Variants in CCDC178 observed in about 807,000 individuals in gnomAD.
CCDC178 encodes the protein coiled-coil domain-containing protein 178.
A neutral mutation model predicts 117.4 loss-of-function variants in CCDC178; 126 were observed. That is an observed-to-expected ratio of 1.07 (90% CI 0.93 to 1.24). CCDC178 has a LOEUF of 1.24. CCDC178 is among the 50% of genes most tolerant of loss of function. The pLI, the probability that CCDC178 is intolerant of heterozygous loss-of-function variation, is 0.00. For missense variants in CCDC178, 1,030 were observed against 986.9 expected (o/e 1.04, Z -0.59); for synonymous variants, 283 against 313.4 (o/e 0.90, Z 1.02).
intron 9 of CCDC178, among the ~76,000 whole-genome samples, chr18:33,341,416 T>TG (rs1453868728): frequency 6.6e-6 from 1 of 152,062 alleles, no homozygotes; most frequent in Non-Finnish European, 1.5e-5. Context: ...AGTTAAGACT[T>TG]GGGGGACAGT....
At chr18:33,093,780 T>C (rs1430900016) in intron 20 of CCDC178, among the ~76,000 whole-genome samples, 1 of 151,994 alleles carries the variant, frequency 6.6e-6, no homozygotes, top group Non-Finnish European at 1.5e-5. Flanking sequence ...AATCCAGTAA[T>C]TTCTCTTTTG....
rs149763645 is a variant in CCDC178 at position 33,095,163 on chromosome 18, C to T, written c.2239-2253G>A. ...TCTTTTTTTTCACTTCTTTTATTTT[C>T]CATACTATTACATTCACTCAAAAGG... On this transcript the variant is annotated intron_variant, in intron 20 of 22. Transcript: ENST00000383096. Among the ~76,000 whole-genome samples, 897 of 151,634 alleles carry T rather than the reference C, an allele frequency of 5.9e-3. 11 individuals are homozygous for T. The highest frequency in any genetic ancestry group is 0.02 in the African/African-American group (841 of 41,352).
At position 33,111,138 on chromosome 18, in the gene CCDC178, T is replaced by C. The variant is rs1253955480; in HGVS notation, c.2239-18228A>G. On this transcript the variant is annotated intron_variant, in intron 20 of 22. Coordinates refer to ENST00000383096, the MANE Select transcript of CCDC178 (RefSeq NM_001105528.4). ...ATATATACCTAGTTAAATATATACC[T>C]AGATGTTTAGTTATTCTATTATAAA... Among the ~76,000 whole-genome samples the C allele has an allele frequency of 2.0e-5, 3 of 151,730 alleles. No individual in the cohort carries two copies. In the East Asian group the frequency reaches 5.8e-4, roughly 29 times the overall value.
chr18:33,139,779 G>T (rs993223822), intron 20 of CCDC178, among the ~76,000 whole-genome samples: 1 of 152,184 alleles, frequency 6.6e-6, no homozygotes, highest in South Asian at 2.1e-4. Flanking sequence ...TTTCTGAGGA[G>T]AATTTCAAGC....
At chr18:33,151,250 G>A in intron 20 of CCDC178, among the ~76,000 whole-genome samples, 1 of 152,018 alleles carries the variant, frequency 6.6e-6, no homozygotes, top group Middle Eastern at 3.4e-3. Flanking sequence ...AACATAAATA[G>A]CAATAAATAA....
chr18:33,125,177 C>A (rs1432132114), intron 20 of CCDC178, among the ~76,000 whole-genome samples: 3 of 152,134 alleles, frequency 2.0e-5, no homozygotes, highest in Non-Finnish European at 2.9e-5. Context: ...ACACACTGCA[C>A]TCCTCTAATT....
At chr18:32,985,802 AGAAG>A (rs1731196625) in intron 21 of CCDC178, among the ~76,000 whole-genome samples, 1 of 152,076 alleles carries the variant, frequency 6.6e-6, no homozygotes, top group South Asian at 2.1e-4. Flanking sequence ...TGGTAGCAGT[AGAAG>A]GAAGGATCAC....
intron 2 of CCDC178, among the ~76,000 whole-genome samples, chr18:33,415,913 G>A (rs2063934072): frequency 6.6e-6 from 1 of 152,148 alleles, no homozygotes; most frequent in African/African-American, 2.4e-5. Context: ...TGTTACCAGA[G>A]AAACAAGGAG....
chr18:33,353,080 A>G (rs2062999140), intron 7 of CCDC178, among the ~76,000 whole-genome samples: 1 of 150,998 alleles, frequency 6.6e-6, no homozygotes, highest in Non-Finnish European at 1.5e-5. Flanking sequence ...GTCTGTTTTG[A>G]GGTTATATTG....
intron 20 of CCDC178, among the ~76,000 whole-genome samples, chr18:33,097,547 G>T (rs568823613): frequency 7.8e-4 from 119 of 152,206 alleles, no homozygotes; most frequent in African/African-American, 2.8e-3. Flanking sequence ...GTGCAAGTTT[G>T]CACAGCTATT....
chr18:33,082,503 A>C (rs2057313701), intron 21 of CCDC178, among the ~76,000 whole-genome samples: 1 of 152,186 alleles, frequency 6.6e-6, no homozygotes, highest in African/African-American at 2.4e-5. Context: ...AGAGCATAGC[A>C]TGCAAAATAC....
chr18:33,358,435 T>C (rs1227735805), intron 6 of CCDC178, among the ~76,000 whole-genome samples: 1 of 151,854 alleles, frequency 6.6e-6, no homozygotes, highest in East Asian at 1.9e-4. Context: ...GATATTGGCA[T>C]AGGGAGGTAA....
intron 21 of CCDC178, among the ~76,000 whole-genome samples, chr18:33,002,751 T>C (rs564324879): frequency 6.6e-6 from 1 of 151,784 alleles, no homozygotes; most frequent in South Asian, 2.1e-4. Flanking sequence ...GTTGGTGTTT[T>C]GAAAAGATAA....
At chr18:33,255,786 A>C (rs751307931) in intron 14 of CCDC178, among the ~76,000 whole-genome samples, 12 of 152,028 alleles carry the variant, frequency 7.9e-5, no homozygotes, top group Non-Finnish European at 1.6e-4. Flanking sequence ...AAATGGGCTG[A>C]GATTAGTACC....
In CCDC178 at chr18:33,245,260, C is replaced by A; in HGVS notation, c.1578G>T (p.Val526=). The part of the protein sequence containing the change: ...TDEMEDKIAE[V]RRKFKGREEF... Reference sequence around the variant, plus strand: ...GATACACAACCTTGAACTTTCTTCTCACTTCTGCTATTTTATCTTCCATTT... The same window carrying A: ...GATACACAACCTTGAACTTTCTTCTAACTTCTGCTATTTTATCTTCCATTT... Residue 526 remains valine, a synonymous_variant, in exon 15 of 23, where the codon GTG becomes GTT. Coordinates refer to ENST00000383096, the MANE Select transcript of CCDC178 (RefSeq NM_001105528.4). 1 of 1,584,976 alleles carries A rather than the reference C, an allele frequency of 6.3e-7. No homozygotes were observed. Among genetic ancestry groups the A allele is most frequent in the South Asian group, 1.2e-5 (1 of 83,510 alleles).
At chr18:33,102,996 C>A (rs1230395510) in intron 20 of CCDC178, among the ~76,000 whole-genome samples, 1 of 151,764 alleles carries the variant, frequency 6.6e-6, no homozygotes, top group Non-Finnish European at 1.5e-5. Flanking sequence ...CTGCCTGTTC[C>A]TTTATAGACA....
chr18:33,147,784 G>A (rs1265674307), intron 20 of CCDC178, among the ~76,000 whole-genome samples: 1 of 152,154 alleles, frequency 6.6e-6, no homozygotes, highest in Non-Finnish European at 1.5e-5. Context: ...CATAGACACA[G>A]CAACAATCTG....
intron 2 of CCDC178, chr18:33,437,542 C>A (rs1359334451): frequency 1.3e-5 from 2 of 152,156 alleles, no homozygotes; most frequent in African/African-American, 4.8e-5. Flanking sequence ...CTTCTAATTA[C>A]CTCTGTTCAC....
At chr18:33,406,967 G>A (rs780264938) in intron 3 of CCDC178, among the ~76,000 whole-genome samples, 2 of 152,034 alleles carry the variant, frequency 1.3e-5, no homozygotes, top group Non-Finnish European at 2.9e-5. Flanking sequence ...ACGTGTTTAC[G>A]GGATATGGCT....
Sources: allele counts gnomAD v4.1 joint callset (sites outside exome capture counted in the v4.1 genomes callset), GRCh38; gene constraint gnomAD v4.1.1; transcripts MANE v1.5; gene names NCBI Gene and HGNC (gene_info 2026-07-23, HGNC 2026-07-21).